SIM2: variants seen among roughly 807,000 people sequenced by gnomAD.
SIM2 encodes single-minded homolog 2.
A neutral mutation model predicts 64.8 loss-of-function variants in SIM2; 28 were observed. The observed-to-expected ratio is 0.43, with a 90% confidence interval of 0.32 to 0.59. The LOEUF (loss-of-function observed/expected upper bound fraction) is 0.59. SIM2 is among the 20% of genes least tolerant of loss of function. The pLI is 0.07. For missense variants in SIM2, 847 were observed against 871.4 expected, an observed-to-expected ratio of 0.97 and a Z score of 0.35; for synonymous variants, 408 against 391.1, an observed-to-expected ratio of 1.04 and a Z score of -0.51.
rs756835217 is a variant in SIM2 at position 36,709,226 on chromosome 21, G to A, written c.234G>A (p.Lys78=). 6.2e-6 allele frequency: 10 copies of A among 1,608,644 alleles called. No homozygotes were observed. Among genetic ancestry groups the A allele is most frequent in the East Asian group, 2.2e-5 (1 of 44,688 alleles). ...CCGGGCCCCTGGACGGCGTCGCCAA[G>A]GAGCTGGGATCGCACTTGCTGCAGG... is the stretch of plus-strand genomic sequence containing the variant. The part of the protein sequence containing the change: ...SRAGPLDGVA[K]ELGSHLLQTL... The change falls in exon 2 of 11, where the codon AAG becomes AAA. Residue 78 remains lysine, a synonymous_variant. Coordinates refer to ENST00000290399, the MANE Select transcript of SIM2 (RefSeq NM_005069.6).
chr21:36,721,341 G>A (rs944544689), intron 4 of SIM2, among the ~76,000 whole-genome samples: 6 of 152,218 alleles, frequency 3.9e-5, no homozygotes, highest in Non-Finnish European at 7.3e-5. Context: ...TTCTTTCACT[G>A]TGGGGTTGTT....
At position 36,726,277 on chromosome 21, in the gene SIM2, C is replaced by G. The variant is rs374786343; in HGVS notation, c.702C>G (p.Phe234Leu). 8.1e-6 allele frequency: 13 copies of G among 1,613,594 alleles called. No individual in the cohort carries two copies. The highest frequency in any genetic ancestry group is 1.1e-5 in the Non-Finnish European group (13 of 1,180,044). ...EIKLYSNMFM[F>L]RASLDLKLIF... Reference sequence around the variant, plus strand: ...AGCTGTACAGTAACATGTTCATGTTCAGGGCCAGCCTTGACCTGAAGCTGA... The same window carrying G: ...AGCTGTACAGTAACATGTTCATGTTGAGGGCCAGCCTTGACCTGAAGCTGA... The change falls in exon 6 of 11, where the codon TTC (phenylalanine) becomes TTG (leucine). Residue 234 changes from phenylalanine to leucine, a missense_variant. Physicochemically the swap from Phe to Leu is conservative, Grantham distance 22. This residue lies in a region of SIM2 where 397 missense variants were observed against 439.2 expected (regional missense o/e 0.90). Transcript: ENST00000290399. This position sits in a 1 kb window ranked among gnomAD's most constrained non-coding sequence, Gnocchi z 4.5.
chr21:36,702,711 G>A (rs540614771), intron 1 of SIM2, among the ~76,000 whole-genome samples: 5 of 152,112 alleles, frequency 3.3e-5, no homozygotes, highest in African/African-American at 4.8e-5. Context: ...ATATGGCTGC[G>A]GGGTTGGAAT....
intron 1 of SIM2, among the ~76,000 whole-genome samples, chr21:36,703,221 G>C (rs1359165495): frequency 6.6e-6 from 1 of 152,220 alleles, no homozygotes; most frequent in East Asian, 1.9e-4. Context: ...GCAAGGCAGA[G>C]GGAGACCACC....
intron 3 of SIM2, among the ~76,000 whole-genome samples, chr21:36,716,107 CAA>C (rs1039946062): frequency 6.6e-6 from 1 of 152,192 alleles, no homozygotes; most frequent in African/African-American, 2.4e-5. Flanking sequence ...AGCATCTAGA[CAA>C]GTTTCTATCT....
At chr21:36,700,786 AGGGG>A in intron 1 of SIM2, among the ~76,000 whole-genome samples, 1 of 152,192 alleles carries the variant, frequency 6.6e-6, no homozygotes, top group Non-Finnish European at 1.5e-5. Context: ...GCTGAAAGAG[AGGGG>A]TCCGATTAAT....
chr21:36,716,558 A>G (rs1028542258), intron 3 of SIM2, among the ~76,000 whole-genome samples: 5 of 152,176 alleles, frequency 3.3e-5, no homozygotes, highest in African/African-American at 1.2e-4. Context: ...AACCCAAACC[A>G]TCTTGTTTTA....
chr21:36,710,142 G>A (rs1428443863), intron 2 of SIM2: 1 of 153,196 alleles, frequency 6.5e-6, no homozygotes, highest in Non-Finnish European at 1.5e-5. Context: ...ATTTTTTAGA[G>A]GAGGAAATTG....
chr21:36,699,786 G>C lies in SIM2; in HGVS notation c.40G>C (p.Glu14Gln). Reference sequence around the variant, plus strand: ...CAAGAATGCGGCCAAGACCAGGAGGGAGAAGGAAAATGGCGAGTTTTACGA... The same window carrying C: ...CAAGAATGCGGCCAAGACCAGGAGGCAGAAGGAAAATGGCGAGTTTTACGA... Reference protein sequence around the residue: ...KSKNAAKTRREKENGEFYELA... With the variant: ...KSKNAAKTRRQKENGEFYELA... The change falls in exon 1 of 11, where the codon GAG (glutamate) becomes CAG (glutamine). Residue 14 changes from glutamate to glutamine, a missense_variant. Physicochemically the swap from Glu to Gln is conservative, Grantham distance 29. Transcript: ENST00000290399. The surrounding 1 kb of genome is among the most constrained non-coding windows in gnomAD (Gnocchi z 5.6). 2 of 1,613,100 alleles carry C rather than the reference G, an allele frequency of 1.2e-6. No homozygotes were observed. The highest frequency in any genetic ancestry group is 1.7e-6 in the Non-Finnish European group (2 of 1,179,464).
chr21:36,700,986 C>A (rs2252821), intron 1 of SIM2, among the ~76,000 whole-genome samples: 90,101 of 152,068 alleles, frequency 0.59, 29,503 homozygotes, highest in Non-Finnish European at 0.71. Flanking sequence ...CGGCCAGGCA[C>A]CTCCGAGCAG....
rs751348193 is a variant in SIM2 at position 36,744,786 on chromosome 21, C to T, written c.1226C>T (p.Ala409Val). 1.7e-5 allele frequency: 28 copies of T among 1,613,270 alleles called. No individual in the cohort carries two copies. Among genetic ancestry groups the T allele is most frequent in the Non-Finnish European group, 2.4e-5 (28 of 1,179,670 alleles). Residue 409 changes from alanine to valine, a missense_variant, in exon 10 of 11, where the codon GCC (alanine) becomes GTC (valine). Around this residue, in one of 3 missense-constraint regions of SIM2, gnomAD observed 447 missense variants for 414.6 expected, o/e 1.08. Transcript: ENST00000290399. Reference protein sequence around the residue: ...LECGQLGNWRASPPASAAAPP... With the variant: ...LECGQLGNWRVSPPASAAAPP... ...TGCGGCCAGCTCGGAAACTGGAGAG[C>T]CAGTCCCCCTGCAAGCGCTGCTGCT... is the stretch of plus-strand genomic sequence containing the variant.
chr21:36,716,302 C>G (rs918947882), intron 3 of SIM2, among the ~76,000 whole-genome samples: 2 of 152,122 alleles, frequency 1.3e-5, no homozygotes, highest in African/African-American at 4.8e-5. Context: ...GTTAAGTTTC[C>G]TCACCAACAT....
Position 36,699,606 on chromosome 21 carries a change from C to G in SIM2, c.-141C>G. On this transcript the variant is annotated 5_prime_UTR_variant, in exon 1 of 11. Transcript: ENST00000290399. The surrounding 1 kb of genome is among the most constrained non-coding windows in gnomAD (Gnocchi z 5.6). Reference sequence around the variant, plus strand: ...GGAGGCGTCTCGGAACCCCGGGAGGCCCCCCGCACCTGCCCGCGGCCCACT... The same window carrying G: ...GGAGGCGTCTCGGAACCCCGGGAGGGCCCCCGCACCTGCCCGCGGCCCACT... The G allele has an allele frequency of 1.2e-6, 1 of 859,964 alleles. No individual in the cohort carries two copies. The highest frequency in any genetic ancestry group is 2.1e-5 in the South Asian group (1 of 46,840). 53.3% of individuals were successfully genotyped at this position (859,964 alleles called of 1,614,324 possible). A position where few individuals can be genotyped will look rare whatever the true frequency, so the allele number is the denominator to read the frequency against.
At position 36,720,339 on chromosome 21, in the gene SIM2, GTTTCC is replaced by G. The variant is rs1324830002; in HGVS notation, c.457+412_457+416del. On this transcript the variant is annotated intron_variant, in intron 4 of 10. Coordinates refer to ENST00000290399, the MANE Select transcript of SIM2 (RefSeq NM_005069.6). ...ATTTCATGGGGAAAATTACATATGT[GTTTCC>G]TCCAGTTGAAATTTGGCATTTCCTT... The G allele has an allele frequency of 3.6e-5, 6 of 166,444 alleles. No homozygotes were observed. The East Asian group carries it at 9.8e-4, about 27-fold the overall frequency. 10.3% of individuals were successfully genotyped at this position (166,444 alleles called of 1,614,324 possible).
intron 3 of SIM2, among the ~76,000 whole-genome samples, chr21:36,714,438 G>A (rs940650085): frequency 2.0e-5 from 3 of 152,194 alleles, no homozygotes; most frequent in East Asian, 3.8e-4. Flanking sequence ...TGATAGGGCA[G>A]GTTCTTTAAC....
At chr21:36,713,561 G>C (rs886692191) in intron 3 of SIM2, among the ~76,000 whole-genome samples, 3 of 152,188 alleles carry the variant, frequency 2.0e-5, no homozygotes, top group Admixed American at 6.5e-5. Context: ...ATTAATGATA[G>C]ATACAGAGGA....
At chr21:36,700,047 G>T in intron 1 of SIM2, 126 bp downstream of exon 1, 1 of 1,018,202 alleles carries the variant, frequency 9.8e-7, no homozygotes, top group Non-Finnish European at 1.4e-6. Flanking sequence ...GGCGTCTGAG[G>T]GAGGTTGCGT....
rs1018669135 is a variant in SIM2, at chr21:36,730,979, A to G, written c.744-66A>G. 1.5e-5 allele frequency: 18 copies of G among 1,169,144 alleles called. No individual in the cohort carries two copies. The African/African-American group carries it at 2.0e-4, about 13-fold the overall frequency. 72.4% of individuals were successfully genotyped at this position (1,169,144 alleles called of 1,614,324 possible). Reference sequence around the variant, plus strand: ...AGCACTTGATTAGTTGGCAAAACCAATATTAGTTTAAATGAAAGGCAGTCT... The same window carrying G: ...AGCACTTGATTAGTTGGCAAAACCAGTATTAGTTTAAATGAAAGGCAGTCT... On this transcript the variant is annotated intron_variant, in intron 6 of 10. Coordinates refer to ENST00000290399, the MANE Select transcript of SIM2 (RefSeq NM_005069.6).
chr21:36,745,000 G>A lies in SIM2; in HGVS notation c.1440G>A (p.Leu480=). 6.2e-7 allele frequency: 1 copy of A among 1,614,244 alleles called. No homozygotes were observed. Among genetic ancestry groups the A allele is most frequent in the African/African-American group, 1.3e-5 (1 of 75,076 alleles). ...CTTGTGAGGTGGCACGCTTTTTCCT[G>A]AGCACACTGCCAGCCAGCGGTGAAT... The part of the protein sequence containing the change: ...GSPCEVARFF[L]STLPASGECQ... Residue 480 remains leucine, a synonymous_variant, in exon 10 of 11, where the codon CTG becomes CTA. Coordinates refer to ENST00000290399, the MANE Select transcript of SIM2 (RefSeq NM_005069.6).
Sources: allele counts gnomAD v4.1 joint callset (sites outside exome capture counted in the v4.1 genomes callset), GRCh38; gene constraint gnomAD v4.1.1; regional missense constraint gnomAD v4.1.1; non-coding constraint Gnocchi (gnomAD v3.1); transcripts MANE v1.5; gene names NCBI Gene and HGNC (gene_info 2026-07-23, HGNC 2026-07-21).